Variants in NEK11 observed in about 807,000 individuals in gnomAD.
NEK11 encodes the protein NIMA related kinase 11, also known as serine/threonine-protein kinase Nek11.
NEK11 carries 72 observed loss-of-function variants against 80.7 expected under a neutral mutation model. The ratio of observed to expected loss-of-function variants is 0.89; its 90% CI spans 0.74 to 1.08. NEK11 has a LOEUF of 1.08. NEK11 is among the 50% of genes least tolerant of loss of function. The pLI is 0.00. For synonymous variants in NEK11, 251 were observed against 260.7 expected (o/e 0.96, Z 0.36); for missense variants, 764 against 763.6 (o/e 1.00, Z -0.01).
At chr3:131,223,163 T>C (rs2095079549) in intron 14 of NEK11, among the ~76,000 whole-genome samples, 1 of 152,214 alleles carries the variant, frequency 6.6e-6, no homozygotes, top group South Asian at 2.1e-4. Context: ...AAAGGAATCT[T>C]AAGCTAAGAA....
At chr3:131,291,890 G>A (rs975280751) in intron 17 of NEK11, among the ~76,000 whole-genome samples, 3 of 152,062 alleles carry the variant, frequency 2.0e-5, no homozygotes, top group Non-Finnish European at 2.9e-5. Flanking sequence ...CCAGTATGTG[G>A]CTTGTCTTCT....
At chr3:131,158,435 G>A (rs2149886529) in intron 10 of NEK11, among the ~76,000 whole-genome samples, 1 of 152,256 alleles carries the variant, frequency 6.6e-6, no homozygotes, top group East Asian at 1.9e-4. Context: ...ATTGCAATCA[G>A]AGCCTTGGCG....
chr3:131,285,790 T>C (rs1482163481), intron 17 of NEK11, among the ~76,000 whole-genome samples: 1 of 152,240 alleles, frequency 6.6e-6, no homozygotes, highest in Non-Finnish European at 1.5e-5. Flanking sequence ...CGCATGTCTG[T>C]GCCAGCTGAT....
chr3:131,152,375 A>G lies in NEK11; in HGVS notation c.648-13A>G. 1.3e-6 allele frequency: 2 copies of G among 1,573,332 alleles called. No individual in the cohort carries two copies. Among genetic ancestry groups the G allele is most frequent in the South Asian group, 1.2e-5 (1 of 85,266 alleles). ...ATTTGTTCCTTATTTAAATTCTTTG[A>G]CTTTGTCTTCAGGTCACTGGCATGC... On this transcript the variant is annotated splice_polypyrimidine_tract_variant and intron_variant, in intron 7 of 17. Transcript: ENST00000383366.
intron 4 of NEK11, among the ~76,000 whole-genome samples, chr3:131,094,083 CTTGAG>C (rs1359570881): frequency 6.7e-6 from 1 of 149,772 alleles, no homozygotes; most frequent in African/African-American, 2.5e-5. Context: ...GAGGGGCTCT[CTTGAG>C]TTGAGATATA....
At chr3:131,186,392 G>C (rs560158616) in intron 14 of NEK11, among the ~76,000 whole-genome samples, 1 of 152,262 alleles carries the variant, frequency 6.6e-6, no homozygotes, top group South Asian at 2.1e-4. Flanking sequence ...TGTCAGGTCT[G>C]TAGACAGCCC....
intron 10 of NEK11, among the ~76,000 whole-genome samples, chr3:131,158,490 G>A (rs2091072695): frequency 6.6e-6 from 1 of 152,118 alleles, no homozygotes; most frequent in Admixed American, 6.5e-5. Flanking sequence ...CCCTGCCCCT[G>A]TACCAACACT....
chr3:131,223,529 A>G (rs534386828), intron 14 of NEK11, among the ~76,000 whole-genome samples: 2 of 152,310 alleles, frequency 1.3e-5, no homozygotes, highest in East Asian at 1.9e-4. Context: ...TGTTGTAGAG[A>G]TATGACTTGG....
intron 4 of NEK11, among the ~76,000 whole-genome samples, chr3:131,097,862 C>T (rs2077691980): frequency 7.0e-6 from 1 of 143,528 alleles, no homozygotes; most frequent in South Asian, 2.3e-4. Context: ...AATCCTAAGC[C>T]AAAAGAACAA....
chr3:131,290,007 A>G (rs1171689059), intron 17 of NEK11, among the ~76,000 whole-genome samples: 5 of 152,264 alleles, frequency 3.3e-5, no homozygotes, highest in South Asian at 2.1e-4. Context: ...GTTAAAACAC[A>G]GGGCCTTTGA....
In NEK11 at chr3:131,097,944, G is replaced by A. The variant is rs1241210767; in HGVS notation, c.337-11859G>A. ...ACAGTAACCAAAACAGCATGGTACT[G>A]GTACCAAAACAGATATAGATCAATG... On this transcript the variant is annotated intron_variant, in intron 4 of 17. Coordinates refer to ENST00000383366, the MANE Select transcript of NEK11 (RefSeq NM_024800.5). Among the ~76,000 whole-genome samples the A allele has an allele frequency of 3.5e-5, 5 of 144,314 alleles. 2 individuals carry two copies. The highest frequency in any genetic ancestry group is 7.8e-5 in the Non-Finnish European group (5 of 63,794). The allele number at this position is 144,314 out of a possible 152,430, so 94.7% of individuals were successfully genotyped here.
chr3:131,162,481 C>G lies in NEK11; in HGVS notation c.1036C>G (p.Arg346Gly). 6.2e-7 allele frequency: 1 copy of G among 1,613,950 alleles called. No homozygotes were observed. ...VQKMTPRERM[R>G]LRKLQAADEK... is the part of the protein sequence containing the mutation. The stretch of plus-strand genomic sequence containing the variant: ...GAAAATGACGCCAAGAGAAAGGATG[C>G]GGCTGAGGAAGCTCCAGGCGGCTGA... The change falls in exon 11 of 18, where the codon CGG (arginine) becomes GGG (glycine). Residue 346 changes from arginine (R) to glycine (G), a missense_variant. Arg to Gly is a moderately radical substitution (Grantham distance 125). Coordinates refer to ENST00000383366, the MANE Select transcript of NEK11 (RefSeq NM_024800.5).
intron 17 of NEK11, among the ~76,000 whole-genome samples, chr3:131,343,693 A>C (rs765251641): frequency 1.3e-5 from 2 of 152,210 alleles, no homozygotes; most frequent in African/African-American, 2.4e-5. Flanking sequence ...CACCATGTAG[A>C]AGCTGCCAGA....
At chr3:131,178,834 C>G (rs1449987384) in intron 14 of NEK11, among the ~76,000 whole-genome samples, 1 of 152,148 alleles carries the variant, frequency 6.6e-6, no homozygotes, top group Non-Finnish European at 1.5e-5. Context: ...CACTGCGTCA[C>G]TAGGTAATAG....
At chr3:131,230,360 T>G (rs2095306651) in intron 15 of NEK11, among the ~76,000 whole-genome samples, 1 of 152,168 alleles carries the variant, frequency 6.6e-6, no homozygotes, top group Non-Finnish European at 1.5e-5. Flanking sequence ...TTGTTCAAAT[T>G]ACTGAACTTC....
intron 3 of NEK11, among the ~76,000 whole-genome samples, chr3:131,036,739 G>A (rs530994089): frequency 6.6e-6 from 1 of 152,304 alleles, no homozygotes; most frequent in African/African-American, 2.4e-5. Context: ...CCCTACCCCA[G>A]AGGTTTCTGA....
At chr3:131,269,677 C>T (rs1279217428) in intron 16 of NEK11, among the ~76,000 whole-genome samples, 5 of 152,158 alleles carry the variant, frequency 3.3e-5, no homozygotes, top group African/African-American at 9.7e-5. Flanking sequence ...CCTATTCGGC[C>T]ATCTTGCCCA....
At chr3:131,253,069 T>C (rs1053028740) in intron 16 of NEK11, among the ~76,000 whole-genome samples, 3 of 152,158 alleles carry the variant, frequency 2.0e-5, no homozygotes, top group Non-Finnish European at 4.4e-5. Flanking sequence ...TATTTCTGCC[T>C]GATCCTCAGC....
chr3:131,142,862 G>C (rs1187814835), intron 7 of NEK11, among the ~76,000 whole-genome samples: 2 of 152,144 alleles, frequency 1.3e-5, no homozygotes, highest in Non-Finnish European at 2.9e-5. Flanking sequence ...AGAGAGCTTT[G>C]ATAATCTTCC....
Sources: allele counts gnomAD v4.1 joint callset (sites outside exome capture counted in the v4.1 genomes callset), GRCh38; gene constraint gnomAD v4.1.1; transcripts MANE v1.5; gene names NCBI Gene and HGNC (gene_info 2026-07-23, HGNC 2026-07-21).